ALG1L2: variants seen among roughly 807,000 people sequenced by gnomAD.
The protein encoded by ALG1L2 is ALG1 chitobiosyldiphosphodolichol beta-mannosyltransferase like 2.
ALG1L2 carries 32 observed loss-of-function variants against 29.0 expected under a neutral mutation model. That is an observed-to-expected ratio of 1.10 (90% confidence interval 0.83 to 1.48). The LOEUF (loss-of-function observed/expected upper bound fraction) is 1.48, where lower values mean the gene tolerates loss of function less well. Among genes scored for constraint, ALG1L2 ranks in the 40% most tolerant of loss-of-function variants. ALG1L2 has a pLI of 0.00. For synonymous variants in ALG1L2, 110 were observed against 109.5 expected, an observed-to-expected ratio of 1.00 and a Z score of -0.03; for missense variants, 318 against 274.1, an observed-to-expected ratio of 1.16 and a Z score of -1.13.
intron 1 of ALG1L2, among the ~76,000 whole-genome samples, chr3:130,088,449 A>G (rs1934940023): frequency 6.6e-6 from 1 of 152,234 alleles, no homozygotes; most frequent in Non-Finnish European, 1.5e-5. Flanking sequence ...ACCGAGTCTC[A>G]CTCTGTTGCC....
At chr3:130,097,326 T>C (rs73866093) in intron 7 of ALG1L2, 76 bp downstream of exon 7, 116,448 of 1,572,244 alleles carry the variant, frequency 0.074, 5,329 homozygotes, top group East Asian at 0.17. Context: ...CTGATCCCTG[T>C]TTCACACAGC....
chr3:130,091,360 G>A lies in ALG1L2; in HGVS notation c.120G>A (p.Pro40=), dbSNP rs181019462. 836 of 1,596,964 alleles carry A rather than the reference G, an allele frequency of 5.2e-4. 8 individuals are homozygous for A. The African/African-American group carries it at 7.9e-3, about 15-fold the overall frequency. ...LFMKLGSTHS[P]FRARSEPEDP... is the part of the protein sequence containing the mutation. The stretch of plus-strand genomic sequence containing the variant: ...TGAAGCTGGGCAGCACGCACTCTCC[G>A]TTCAGGGCCCGGTAGGCCTCCCACC... Residue 40 remains proline, a synonymous_variant, in exon 2 of 8, where the codon CCG becomes CCA. Coordinates refer to ENST00000425059, the MANE Select transcript of ALG1L2 (RefSeq NM_001136152.1).
At chr3:130,082,376 C>T (rs1487003468) in intron 1 of ALG1L2, among the ~76,000 whole-genome samples, 13 of 104,258 alleles carry the variant, frequency 1.2e-4, no homozygotes, top group African/African-American at 3.2e-4. Flanking sequence ...GAGTCTCTGT[C>T]GCCCAGGCTG....
At chr3:130,095,611 T>A (rs1471247926) in intron 5 of ALG1L2, among the ~76,000 whole-genome samples, 1 of 135,896 alleles carries the variant, frequency 7.4e-6, no homozygotes, top group Non-Finnish European at 1.5e-5. Flanking sequence ...TAATTTTACA[T>A]TTTTTTTTTT....
chr3:130,093,246 A>G (rs1475295886), intron 4 of ALG1L2, 86 bp downstream of exon 4: 8 of 1,475,560 alleles, frequency 5.4e-6, no homozygotes, highest in Non-Finnish European at 7.5e-6. Flanking sequence ...GCTTCCCACG[A>G]TCTTGTCTCC....
At chr3:130,084,178 C>T (rs1480952704) in intron 1 of ALG1L2, among the ~76,000 whole-genome samples, 2 of 150,816 alleles carry the variant, frequency 1.3e-5, no homozygotes, top group African/African-American at 4.8e-5. Context: ...GATGGGACAA[C>T]AGCTGGGTAT....
At chr3:130,090,427 T>C (rs1298879920) in intron 1 of ALG1L2, among the ~76,000 whole-genome samples, 1 of 152,304 alleles carries the variant, frequency 6.6e-6, no homozygotes, top group African/African-American at 2.4e-5. Context: ...CTTTGGACCC[T>C]GAATACCCTG....
At chr3:130,095,895 G>A (rs1267744683) in intron 5 of ALG1L2, among the ~76,000 whole-genome samples, 154 bp from the exon 6 acceptor site, 1 of 152,224 alleles carries the variant, frequency 6.6e-6, no homozygotes, top group Non-Finnish European at 1.5e-5. Flanking sequence ...AGGCCGTGTG[G>A]CTGCTTGGCC....
intron 6 of ALG1L2, among the ~76,000 whole-genome samples, chr3:130,096,757 G>A (rs906575547): frequency 6.6e-6 from 1 of 152,294 alleles, no homozygotes; most frequent in Non-Finnish European, 1.5e-5. Context: ...TCAGGGATGT[G>A]AGCCTCTCGT....
intron 7 of ALG1L2, 35 bp downstream of exon 7, chr3:130,097,285 G>A (rs758532994): frequency 1.9e-6 from 3 of 1,600,450 alleles, no homozygotes; most frequent in Non-Finnish European, 2.5e-6. Flanking sequence ...GGGTGGACAG[G>A]GTTCTGGAGA....
intron 1 of ALG1L2, among the ~76,000 whole-genome samples, chr3:130,084,299 C>CCAACA (rs376123466): frequency 8.9e-4 from 129 of 145,706 alleles, no homozygotes; most frequent in Middle Eastern, 3.8e-3. Context: ...TTCCCCCCCT[C>CCAACA]AAAAAAAATT....
At chr3:130,087,138 C>T (rs1466404211) in intron 1 of ALG1L2, among the ~76,000 whole-genome samples, 1 of 148,132 alleles carries the variant, frequency 6.8e-6, no homozygotes, top group Non-Finnish European at 1.5e-5. Flanking sequence ...AATGAACCTG[C>T]TCCCACCTTC....
chr3:130,084,175 C>A (rs1379804293), intron 1 of ALG1L2, among the ~76,000 whole-genome samples: 2 of 150,702 alleles, frequency 1.3e-5, no homozygotes, highest in African/African-American at 2.4e-5. Flanking sequence ...GGAGATGGGA[C>A]AACAGCTGGG....
rs767255001 is a variant in ALG1L2 at position 130,092,234 on chromosome 3, C to A, written c.253+12C>A. ...CACAAGCTGGACAGGTCTGCATGAC[C>A]ACTGGGGCACTTGGGGTTGGTGTGA... On this transcript the variant is annotated intron_variant, in intron 3 of 7. Coordinates refer to ENST00000425059, the MANE Select transcript of ALG1L2 (RefSeq NM_001136152.1). The A allele has an allele frequency of 6.8e-6, 11 of 1,606,230 alleles. No homozygotes were observed. The East Asian group carries it at 2.3e-4, about 33-fold the overall frequency.
intron 4 of ALG1L2, 112 bp from the exon 5 acceptor site, chr3:130,094,290 AG>A: frequency 1.5e-6 from 2 of 1,354,506 alleles, no homozygotes; most frequent in South Asian, 1.2e-5. Context: ...GCAGCTGCCG[AG>A]GGGTGGAGCT....
chr3:130,096,211 C>T (rs1463254598), intron 6 of ALG1L2, 48 bp downstream of exon 6: 11 of 1,593,906 alleles, frequency 6.9e-6, no homozygotes, highest in Non-Finnish European at 8.6e-6. Flanking sequence ...CACAGATCCA[C>T]CGCTGAGGGG....
At chr3:130,084,942 A>G (rs1934859775) in intron 1 of ALG1L2, among the ~76,000 whole-genome samples, 1 of 103,312 alleles carries the variant, frequency 9.7e-6, no homozygotes, top group African/African-American at 3.2e-5. Context: ...ATAGAGATAT[A>G]TATAATTTTA....
chr3:130,085,905 CAAG>C (rs1361352202), intron 1 of ALG1L2, among the ~76,000 whole-genome samples: 2 of 151,422 alleles, frequency 1.3e-5, no homozygotes, highest in African/African-American at 2.4e-5. Context: ...AAGGTAAATA[CAAG>C]AAGGAGAGGG....
intron 1 of ALG1L2, among the ~76,000 whole-genome samples, chr3:130,087,041 C>T (rs1490477418): frequency 1.3e-5 from 2 of 150,022 alleles, no homozygotes; most frequent in Non-Finnish European, 3.0e-5. Context: ...GTTCAAGATC[C>T]TTACAGCCTT....
Sources: gnomAD v4.1 joint callset for allele counts (sites outside exome capture counted in the v4.1 genomes callset) on GRCh38, gnomAD v4.1.1 for gene constraint, MANE v1.5 for transcripts, NCBI Gene and HGNC (gene_info 2026-07-23, HGNC 2026-07-21) for gene names.